FCMR: variants seen among roughly 807,000 people sequenced by gnomAD.
FCMR encodes immunoglobulin mu Fc receptor.
Under a neutral mutation model 41.6 loss-of-function variants are expected in FCMR, and 34 were observed. The observed-to-expected ratio is 0.82, with a 90% CI of 0.62 to 1.09. The LOEUF is 1.09. FCMR is among the 50% of genes least tolerant of loss of function. The probability of loss-of-function intolerance (pLI) is 0.00; values close to 1 mark genes in which losing one functional copy is unlikely to be tolerated. For synonymous variants in FCMR, 209 were observed against 211.8 expected (o/e 0.99, Z 0.12); for missense variants, 496 against 512.5 (o/e 0.97, Z 0.31).
chr1:206,912,052 A>G lies in FCMR; in HGVS notation c.488-100T>C, dbSNP rs553248061. 125 of 893,212 alleles carry G rather than the reference A, an allele frequency of 1.4e-4. No homozygotes were observed. In the African/African-American group the frequency reaches 1.6e-3, roughly 11 times the overall value. The allele number at this position is 893,212 out of a possible 1,614,324, so 55.3% of individuals were successfully genotyped here. A position where few individuals can be genotyped will look rare whatever the true frequency, so the allele number is the denominator to read the frequency against. ...TTTCCACAACATACCCTTCCCTTTT[A>G]TACAGACTACTTCTGTTCTTGCAGT... On this transcript the variant is annotated intron_variant, in intron 3 of 7. Coordinates refer to ENST00000367091, the MANE Select transcript of FCMR (RefSeq NM_005449.5).
rs373086444 is a variant in FCMR at position 206,913,908 on chromosome 1, C to T, written c.224G>A (p.Arg75Gln). Residue 75 changes from arginine (R) to glutamine (Q), a missense_variant, in exon 2 of 8, where the codon CGA becomes CAA. Transcript: ENST00000367091. ...GCGTGGGTATTGCTTCAGAGTAACT[C>T]GGCCCTTGTATTCTGCCTTGATGAA... is the stretch of plus-strand genomic sequence containing the variant. ...TNFIKAEYKG[R>Q]VTLKQYPRKN... The T allele has an allele frequency of 1.3e-5, 21 of 1,614,228 alleles. No homozygotes were observed. Among genetic ancestry groups the T allele is most frequent in the Non-Finnish European group, 1.7e-5 (20 of 1,180,048 alleles).
intron 7 of FCMR, chr1:206,905,812 C>T (rs1678613141): frequency 6.2e-6 from 1 of 161,578 alleles, no homozygotes; most frequent in African/African-American, 2.4e-5. Context: ...AATTAGACGT[C>T]CAGCAGCCTG....
chr1:206,910,004 C>T, intron 5 of FCMR, 136 bp from the exon 6 acceptor site: 3 of 1,168,932 alleles, frequency 2.6e-6, no homozygotes, highest in Non-Finnish European at 3.4e-6. Context: ...GGGGAATGTA[C>T]GAGGCACGGC....
In FCMR at chr1:206,904,034, T is replaced by G. The variant is rs1558643731; in HGVS notation, c.*985A>C. 1 of 152,358 alleles carries G rather than the reference T, an allele frequency of 6.6e-6. No individual in the cohort carries two copies. Among genetic ancestry groups the G allele is most frequent in the Non-Finnish European group, 1.5e-5 (1 of 68,036 alleles). The allele number at this position is 152,358 out of a possible 1,614,324, so 9.4% of individuals were successfully genotyped here. ...GATACAGTGTCTGACTATAACCTTG[T>G]TCCAAAAACCTAGGCAAAGAGTATA... On this transcript the variant is annotated 3_prime_UTR_variant, in exon 8 of 8. Transcript: ENST00000367091.
intron 1 of FCMR, among the ~76,000 whole-genome samples, chr1:206,919,011 T>C (rs775036877): frequency 3.3e-5 from 5 of 152,148 alleles, no homozygotes; most frequent in African/African-American, 4.8e-5. Context: ...GCTTGACTAA[T>C]GCACCCTCCT....
In FCMR at chr1:206,909,564, C is replaced by A. The variant is rs2306713; in HGVS notation, c.986-44G>T. On this transcript the variant is annotated intron_variant, in intron 6 of 7. Transcript: ENST00000367091. The surrounding 1 kb of genome is among the most constrained non-coding windows in gnomAD (Gnocchi z 5.0). Reference sequence around the variant, plus strand: ...GAGGTGAGGCGGCGGCCGAGGCTCCCGCCCCACCGTCATGCTACTACTCCC... The same window carrying A: ...GAGGTGAGGCGGCGGCCGAGGCTCCAGCCCCACCGTCATGCTACTACTCCC... 0.029 allele frequency: 37,702 copies of A among 1,297,696 alleles called. 1,268 individuals carry two copies. The highest frequency in any genetic ancestry group is 0.13 in the Admixed American group (3,190 of 24,086). The allele number at this position is 1,297,696 out of a possible 1,614,324, so 80.4% of individuals were successfully genotyped here.
rs139757704 is a variant in FCMR at position 206,906,146 on chromosome 1, A to G, written c.1045-999T>C. Reference sequence around the variant, plus strand: ...TTAGATGATATAAGACCAGTCAAGAAAGACCTGGATCCCAGAACAGCTCAA... The same window carrying G: ...TTAGATGATATAAGACCAGTCAAGAGAGACCTGGATCCCAGAACAGCTCAA... On this transcript the variant is annotated intron_variant, in intron 7 of 7. Coordinates refer to ENST00000367091, the MANE Select transcript of FCMR (RefSeq NM_005449.5). 878 of 515,892 alleles carry G rather than the reference A, an allele frequency of 1.7e-3. 5 individuals are homozygous for G. Among genetic ancestry groups the G allele is most frequent in the African/African-American group, 0.015 (792 of 51,136 alleles). The allele number at this position is 515,892 out of a possible 1,614,324, so 32.0% of individuals were successfully genotyped here. A position where few individuals can be genotyped will look rare whatever the true frequency, so the allele number is the denominator to read the frequency against.
intron 1 of FCMR, among the ~76,000 whole-genome samples, chr1:206,918,284 C>T (rs1342385525): frequency 7.9e-5 from 12 of 152,186 alleles, no homozygotes; most frequent in Non-Finnish European, 1.8e-4. Flanking sequence ...CATTCTTCCT[C>T]TCCTTCTCTC....
At position 206,909,672 on chromosome 1, in the gene FCMR, C is replaced by T. The variant is rs1440232915; in HGVS notation, c.985+53G>A. ...GCGCGCCCCGCTGCGCCCGGCTTTCCCGGAGCCAGCGCACTCTTTCCGCTA... is the reference window on the plus strand; with the variant it reads ...GCGCGCCCCGCTGCGCCCGGCTTTCTCGGAGCCAGCGCACTCTTTCCGCTA... On this transcript the variant is annotated intron_variant, in intron 6 of 7. Transcript: ENST00000367091. The surrounding 1 kb of genome is among the most constrained non-coding windows in gnomAD (Gnocchi z 5.0). 25 of 1,361,942 alleles carry T rather than the reference C, an allele frequency of 1.8e-5. No homozygotes were observed. The highest frequency in any genetic ancestry group is 2.2e-5 in the Non-Finnish European group (23 of 1,065,008). 84.4% of individuals were successfully genotyped at this position (1,361,942 alleles called of 1,614,324 possible). A position where few individuals can be genotyped will look rare whatever the true frequency, so the allele number is the denominator to read the frequency against.
At chr1:206,913,413 T>C (rs1679028970) in intron 2 of FCMR, among the ~76,000 whole-genome samples, 1 of 152,218 alleles carries the variant, frequency 6.6e-6, no homozygotes, top group Non-Finnish European at 1.5e-5. Context: ...CTTTCCTTTA[T>C]TTCTCATGGG....
At chr1:206,908,264 C>G (rs1678766393) in intron 7 of FCMR, 3 of 1,117,908 alleles carry the variant, frequency 2.7e-6, no homozygotes, top group Non-Finnish European at 3.9e-6. Context: ...CATGCTTGGC[C>G]TGGCCTGCCC....
rs1170240811 is a variant in FCMR, at chr1:206,904,937, G to A, written c.*82C>T. The A allele has an allele frequency of 1.3e-5, 18 of 1,388,550 alleles. No individual in the cohort carries two copies. The highest frequency in any genetic ancestry group is 2.4e-5 in the South Asian group (2 of 84,252). The allele number at this position is 1,388,550 out of a possible 1,614,324, so 86.0% of individuals were successfully genotyped here. A position where few individuals can be genotyped will look rare whatever the true frequency, so the allele number is the denominator to read the frequency against. On this transcript the variant is annotated 3_prime_UTR_variant, in exon 8 of 8. Transcript: ENST00000367091. Reference sequence around the variant, plus strand: ...GATGAGGGCTCTGAGAACACATGAAGCAGGTATTGGACATCAGCAGATAGA... The same window carrying A: ...GATGAGGGCTCTGAGAACACATGAAACAGGTATTGGACATCAGCAGATAGA...
chr1:206,921,982 C>T, upstream of FCMR: 1 of 811,170 alleles, frequency 1.2e-6, no homozygotes, highest in Non-Finnish European at 2.1e-6. Context: ...AGGAACAAAG[C>T]TTGACGATGA....
At chr1:206,907,103 T>TGGGGGGGGGGGGGGGGGGGGG (rs75679471) in intron 7 of FCMR, among the ~76,000 whole-genome samples, 1 of 43,390 alleles carries the variant, frequency 2.3e-5, no homozygotes, top group African/African-American at 8.4e-5. Flanking sequence ...GGTGGGGGGG[T>TGGGGGGGGGGGGGGGGGGGGG]GGGGGGGGGG....
chr1:206,913,072 G>A (rs962921043), intron 2 of FCMR, 30 bp from the exon 3 acceptor site: 53 of 1,532,204 alleles, frequency 3.5e-5, no homozygotes, highest in African/African-American at 9.6e-5. Context: ...TATGTTGGTG[G>A]TCTCTAGGGG....
intron 1 of FCMR, among the ~76,000 whole-genome samples, chr1:206,914,473 G>A (rs191069284): frequency 9.9e-4 from 127 of 127,866 alleles, no homozygotes; most frequent in Admixed American, 2.8e-3. Flanking sequence ...ACTCTGTTAC[G>A]CAGGCTGGAG....
intron 1 of FCMR, 114 bp from the exon 2 acceptor site, chr1:206,914,208 C>T: frequency 2.7e-6 from 2 of 741,674 alleles, no homozygotes; most frequent in Non-Finnish European, 4.5e-6. Flanking sequence ...CCAGCCCAAC[C>T]TCACATTCAT....
rs376942711 is a variant in FCMR at position 206,913,830 on chromosome 1, A to T, written c.302T>A (p.Val101Asp). ...GTTCATGCCCGCTCCGCAGGCATAGACTCCGCTGTCACTTTCTGTCAGCTG... is the reference window on the plus strand; with the variant it reads ...GTTCATGCCCGCTCCGCAGGCATAGTCTCCGCTGTCACTTTCTGTCAGCTG... Reference protein sequence around the residue: ...VTQLTESDSGVYACGAGMNTD... With the variant: ...VTQLTESDSGDYACGAGMNTD... The change falls in exon 2 of 8, where the codon GTC (valine) becomes GAC (aspartate). Residue 101 changes from valine to aspartate, a missense_variant. By Grantham distance (152) the Val-to-Asp change is radical. Coordinates refer to ENST00000367091, the MANE Select transcript of FCMR (RefSeq NM_005449.5). 5.7e-5 allele frequency: 92 copies of T among 1,613,912 alleles called. No homozygotes were observed. The highest frequency in any genetic ancestry group is 7.7e-5 in the Non-Finnish European group (91 of 1,180,002).
chr1:206,909,590 A>C lies in FCMR; in HGVS notation c.986-70T>G. 1 of 1,255,362 alleles carries C rather than the reference A, an allele frequency of 8.0e-7. No homozygotes were observed. Among genetic ancestry groups the C allele is most frequent in the Non-Finnish European group, 1.0e-6 (1 of 976,940 alleles). 77.8% of individuals were successfully genotyped at this position (1,255,362 alleles called of 1,614,324 possible). A position where few individuals can be genotyped will look rare whatever the true frequency, so the allele number is the denominator to read the frequency against. Reference sequence around the variant, plus strand: ...GCCCCACCGTCATGCTACTACTCCCAGCTCCACCCCCGCCCCACTCCCAGC... The same window carrying C: ...GCCCCACCGTCATGCTACTACTCCCCGCTCCACCCCCGCCCCACTCCCAGC... On this transcript the variant is annotated intron_variant, in intron 6 of 7. Coordinates refer to ENST00000367091, the MANE Select transcript of FCMR (RefSeq NM_005449.5). This position sits in a 1 kb window ranked among gnomAD's most constrained non-coding sequence, Gnocchi z 5.0.
Sources: allele counts gnomAD v4.1 joint callset (sites outside exome capture counted in the v4.1 genomes callset), GRCh38; gene constraint gnomAD v4.1.1; non-coding constraint Gnocchi (gnomAD v3.1); transcripts MANE v1.5; gene names NCBI Gene and HGNC (gene_info 2026-07-23, HGNC 2026-07-21).